Variants in ESR1 observed in about 807,000 individuals in gnomAD.
ESR1 encodes estrogen receptor.
Under a neutral mutation model 52.7 loss-of-function variants are expected in ESR1, and 12 were observed. The observed-to-expected ratio is 0.23, with a 90% CI of 0.15 to 0.37. The LOEUF (loss-of-function observed/expected upper bound fraction) is 0.37, where lower values mean the gene tolerates loss of function less well. ESR1 is among the 10% of genes least tolerant of loss of function. ESR1 has a pLI of 1.00. For synonymous variants in ESR1, 305 were observed against 316.8 expected, an observed-to-expected ratio of 0.96 and a Z score of 0.39; for missense variants, 584 against 779.7, an observed-to-expected ratio of 0.75 and a Z score of 2.99.
chr6:151,811,827 G>A (rs976358676), intron 1 of ESR1, among the ~76,000 whole-genome samples: 3 of 151,952 alleles, frequency 2.0e-5, no homozygotes, highest in Admixed American at 6.6e-5. Context: ...GCATATTTTC[G>A]GATGAAAACG....
rs1330820431 is a variant in ESR1 at position 151,965,340 on chromosome 6, T to A, written c.1096+20832T>A. On this transcript the variant is annotated intron_variant, in intron 4 of 7. Coordinates refer to ENST00000206249, the MANE Select transcript of ESR1 (RefSeq NM_000125.4). Reference sequence around the variant, plus strand: ...ACTTATTTGCTTATTTCTTTGAATATCTTTGTCTAGCTTTGGAATCACATA... The same window carrying A: ...ACTTATTTGCTTATTTCTTTGAATAACTTTGTCTAGCTTTGGAATCACATA... 3.9e-5 allele frequency among the ~76,000 whole-genome samples: 6 copies of A among 152,330 alleles called. No homozygotes were observed. In the East Asian group the frequency reaches 1.2e-3, roughly 29 times the overall value.
chr6:151,777,118 C>CTTTTTTTT (rs745685480), intron 2 of ESR1, among the ~76,000 whole-genome samples: 1 of 142,830 alleles, frequency 7.0e-6, no homozygotes. Context: ...CTTTTCTTTT[C>CTTTTTTTT]TTTTCTTTTT....
At chr6:151,887,630 C>G (rs1794066783) in intron 3 of ESR1, among the ~76,000 whole-genome samples, 2 of 152,144 alleles carry the variant, frequency 1.3e-5, no homozygotes, top group African/African-American at 4.8e-5. Context: ...AGCCACTGAT[C>G]TAATCTAACT....
intron 6 of ESR1, among the ~76,000 whole-genome samples, chr6:152,084,221 A>G (rs565698209): frequency 6.6e-6 from 1 of 151,554 alleles, no homozygotes; most frequent in Admixed American, 6.6e-5. Flanking sequence ...GAGTTGAACA[A>G]TGAGAACACA....
chr6:151,812,111 A>G (rs1287314610), intron 1 of ESR1, among the ~76,000 whole-genome samples: 1 of 152,172 alleles, frequency 6.6e-6, no homozygotes, highest in Non-Finnish European at 1.5e-5. Context: ...AGGTGTAAGA[A>G]ACTGCCAAGG....
At chr6:151,725,918 G>C (rs560832717) in intron 2 of ESR1, among the ~76,000 whole-genome samples, 42 of 152,312 alleles carry the variant, frequency 2.8e-4, no homozygotes, top group Admixed American at 1.0e-3. Flanking sequence ...GGCAAAAGAA[G>C]TGAACTTAAA....
chr6:152,061,764 T>C lies in ESR1; in HGVS notation c.1369+640T>C, dbSNP rs1437604127. ...TGTTTTTGTTTTTGTTTTTGTTTTGTTTTTGTTTTCAATGTAGTGAGGCTG... is the reference window on the plus strand; with the variant it reads ...TGTTTTTGTTTTTGTTTTTGTTTTGCTTTTGTTTTCAATGTAGTGAGGCTG... On this transcript the variant is annotated intron_variant, in intron 6 of 7. Transcript: ENST00000206249. This position sits in a 1 kb window ranked among gnomAD's most constrained non-coding sequence, Gnocchi z 4.3. Among the ~76,000 whole-genome samples, 2 of 152,186 alleles carry C rather than the reference T, an allele frequency of 1.3e-5. No homozygotes were observed. The highest frequency in any genetic ancestry group is 2.9e-5 in the Non-Finnish European group (2 of 68,042).
At chr6:152,001,021 GC>G (rs2041903148) in intron 4 of ESR1, among the ~76,000 whole-genome samples, 1 of 152,000 alleles carries the variant, frequency 6.6e-6, no homozygotes, top group African/African-American at 2.4e-5. Context: ...TCCTTAGGGA[GC>G]CAACATTGTT....
At chr6:151,883,423 C>T (rs532857989) in intron 3 of ESR1, among the ~76,000 whole-genome samples, 12 of 152,084 alleles carry the variant, frequency 7.9e-5, no homozygotes, top group African/African-American at 2.4e-4. Context: ...CCACCATGCC[C>T]GGCCTGTGAG....
intron 3 of ESR1, among the ~76,000 whole-genome samples, chr6:151,914,256 TAA>T (rs34984292): frequency 2.5e-4 from 37 of 148,450 alleles, no homozygotes; most frequent in South Asian, 8.6e-4. Flanking sequence ...ACTTTTTCAT[TAA>T]AAAAAAAAAG....
chr6:151,975,993 G>T (rs1171938471), intron 4 of ESR1, among the ~76,000 whole-genome samples: 2 of 152,178 alleles, frequency 1.3e-5, no homozygotes, highest in Non-Finnish European at 2.9e-5. Flanking sequence ...CCCACTGGCA[G>T]CTGTTCCTAC....
chr6:151,976,688 A>T (rs2039467275), intron 4 of ESR1, among the ~76,000 whole-genome samples: 1 of 152,164 alleles, frequency 6.6e-6, no homozygotes, highest in African/African-American at 2.4e-5. Context: ...ATAAGAATTC[A>T]AAAACTTTAA....
downstream of ESR1, among the ~76,000 whole-genome samples, chr6:152,107,925 C>T (rs1022750819): frequency 6.6e-6 from 1 of 152,144 alleles, no homozygotes; most frequent in Non-Finnish European, 1.5e-5. Flanking sequence ...CACAGCTGAG[C>T]GTGTATCCAA....
At position 151,848,674 on chromosome 6, in the gene ESR1, G is replaced by A. The variant is rs148542619; in HGVS notation, c.643+5887G>A. The stretch of plus-strand genomic sequence containing the variant: ...GAAGTGGAGGCTGCCCGCCCATCAT[G>A]TAACTGTTTTATCTTTTCAGAGATA... On this transcript the variant is annotated intron_variant, in intron 2 of 7. Transcript: ENST00000206249. 1.8e-3 allele frequency among the ~76,000 whole-genome samples: 273 copies of A among 152,180 alleles called. 2 individuals carry two copies. The highest frequency in any genetic ancestry group is 1.2e-3 in the Non-Finnish European group (85 of 68,010).
rs1264889026 is a variant in ESR1, at chr6:151,931,620, A to G, written c.761-12553A>G. On this transcript the variant is annotated intron_variant, in intron 3 of 7. Transcript: ENST00000206249. ...CTCCCCCCTCCCCCCACCCCACAAC[A>G]CTCCCCAGAGTGTGATATTCCCCTT... is the stretch of plus-strand genomic sequence containing the variant. 1.5e-4 allele frequency among the ~76,000 whole-genome samples: 14 copies of G among 96,278 alleles called. 1 individual carries two copies. Among genetic ancestry groups the G allele is most frequent in the African/African-American group, 5.8e-4 (14 of 24,104 alleles). The allele number at this position is 96,278 out of a possible 152,430, so 63.2% of individuals were successfully genotyped here. A position where few individuals can be genotyped will look rare whatever the true frequency, so the allele number is the denominator to read the frequency against.
At chr6:151,959,851 C>T (rs1458021863) in intron 4 of ESR1, among the ~76,000 whole-genome samples, 1 of 152,124 alleles carries the variant, frequency 6.6e-6, no homozygotes, top group African/African-American at 2.4e-5. Flanking sequence ...AATAATTACT[C>T]CTGTTGAGAA....
intron 4 of ESR1, among the ~76,000 whole-genome samples, chr6:151,950,203 A>G (rs1187607945): frequency 1.3e-5 from 2 of 152,158 alleles, no homozygotes; most frequent in East Asian, 3.9e-4. Flanking sequence ...TCTTTTGTAA[A>G]TTGCCTACTC....
chr6:152,123,105 T>C (rs558328091), intron 6 of ESR1, among the ~76,000 whole-genome samples: 9 of 152,366 alleles, frequency 5.9e-5, no homozygotes, highest in Non-Finnish European at 1.2e-4. Flanking sequence ...GCTGTCAGAA[T>C]CATACCAAGT....
rs117486190 is a variant in ESR1 at position 152,120,478 on chromosome 6, C to T, written c.851-4788C>T. Among the ~76,000 whole-genome samples, 429 of 152,140 alleles carry T rather than the reference C, an allele frequency of 2.8e-3. 1 individual carries two copies. The highest frequency in any genetic ancestry group is 4.5e-3 in the Non-Finnish European group (307 of 68,006). On this transcript the variant is annotated intron_variant, in intron 6 of 6. Coordinates refer to the ESR1 transcript ENST00000427531. ...GATCCATCGTGTTCCCTGTGGAACACGATGGGTTCATGGGCCATAAGATAC... is the reference window on the plus strand; with the variant it reads ...GATCCATCGTGTTCCCTGTGGAACATGATGGGTTCATGGGCCATAAGATAC...
Sources: allele counts gnomAD v4.1 joint callset (sites outside exome capture counted in the v4.1 genomes callset), GRCh38; gene constraint gnomAD v4.1.1; non-coding constraint Gnocchi (gnomAD v3.1); transcripts MANE v1.5; gene names NCBI Gene and HGNC (gene_info 2026-07-23, HGNC 2026-07-21).